The following DST variants were observed in gnomAD, a reference collection of about 807,000 sequenced individuals.
The protein encoded by DST is dystonin.
DST carries 253 observed loss-of-function variants against 875.2 expected under a neutral mutation model. That is an observed-to-expected ratio of 0.29 (90% CI 0.26 to 0.32). The LOEUF is 0.32. Among genes scored for constraint, DST ranks in the 10% least tolerant of loss-of-function variants. DST has a pLI of 1.00. For synonymous variants in DST, 3,124 were observed against 3,197.1 expected (o/e 0.98, Z 0.77); for missense variants, 8,287 against 9,111.6 (o/e 0.91, Z 3.68).
At chr6:56,470,600 A>G (rs1437541964) in intron 95 of DST, among the ~76,000 whole-genome samples, 3 of 152,154 alleles carry the variant, frequency 2.0e-5, no homozygotes, top group African/African-American at 7.2e-5. Context: ...AATGACATCT[A>G]GTAACATCTG....
At chr6:56,603,485 C>T in intron 41 of DST, 65 bp from the exon 42 acceptor site, 1 of 1,592,820 alleles carries the variant, frequency 6.3e-7, no homozygotes, top group Non-Finnish European at 8.5e-7. Flanking sequence ...AAACATGAAA[C>T]ATAGAAGTGT....
chr6:56,476,103 T>C, intron 92 of DST, 46 bp downstream of exon 92: 1 of 1,472,944 alleles, frequency 6.8e-7, no homozygotes, highest in Middle Eastern at 2.1e-4. Flanking sequence ...AGAAAGAAAA[T>C]ATCTGAGATA....
rs184815416 is a variant in DST at position 56,594,233 on chromosome 6, C to T, written c.12196-40G>A. ...ATTGATCATAATCTTCAAGCAGTAA[C>T]GGGGTAACACCTGCAGGGAGCTCCT... On this transcript the variant is annotated intron_variant, in intron 47 of 103. Transcript: ENST00000680361. The T allele has an allele frequency of 3.2e-5, 47 of 1,483,960 alleles. No individual in the cohort carries two copies. The African/African-American group carries it at 3.5e-4, about 11-fold the overall frequency. 91.9% of individuals were successfully genotyped at this position (1,483,960 alleles called of 1,614,324 possible).
At chr6:56,824,207 C>T (rs1243225099) in intron 4 of DST, among the ~76,000 whole-genome samples, 1 of 152,208 alleles carries the variant, frequency 6.6e-6, no homozygotes, top group South Asian at 2.1e-4. Flanking sequence ...GACAGGGTTT[C>T]GCTTTGTTGG....
chr6:56,910,774 C>T lies in DST; in HGVS notation c.217-10153G>A, dbSNP rs183112596. On this transcript the variant is annotated intron_variant, in intron 2 of 103. Coordinates refer to ENST00000680361, the MANE Select transcript of DST (RefSeq NM_001374736.1). ...TGCTGGGATTACAAGCATGAGCCCC[C>T]GTGCTCGGCCTGTACATTTATTTTA... is the stretch of plus-strand genomic sequence containing the variant. Among the ~76,000 whole-genome samples the T allele has an allele frequency of 3.5e-4, 54 of 152,264 alleles. No homozygotes were observed. The East Asian group carries it at 9.7e-3, about 27-fold the overall frequency.
intron 8 of DST, 98 bp downstream of exon 8, chr6:56,701,790 C>A: frequency 1.4e-6 from 1 of 726,912 alleles, no homozygotes; most frequent in South Asian, 1.9e-5. Flanking sequence ...GGTTACAATT[C>A]ACAGGCAAAT....
At chr6:56,578,751 T>C in intron 50 of DST, 63 bp downstream of exon 50, 2 of 1,562,312 alleles carry the variant, frequency 1.3e-6, no homozygotes, top group South Asian at 1.2e-5. Flanking sequence ...TCTCCATATC[T>C]ATTAGGACAC....
chr6:56,539,812 C>T (rs2097093162), intron 61 of DST, among the ~76,000 whole-genome samples: 2 of 152,138 alleles, frequency 1.3e-5, no homozygotes, highest in South Asian at 4.1e-4. Flanking sequence ...AGAAATTTTT[C>T]AACCTATTAA....
chr6:56,735,084 C>G (rs1251017253), intron 5 of DST, 144 bp downstream of exon 5: 1 of 659,908 alleles, frequency 1.5e-6, no homozygotes, highest in Admixed American at 2.7e-5. Context: ...ATTATAGATG[C>G]CTAAAATGCA....
chr6:56,464,446 G>A, intron 100 of DST: 1 of 536,338 alleles, frequency 1.9e-6, no homozygotes, highest in East Asian at 3.0e-5. Context: ...CACTCCACAA[G>A]AACCCGGTGA....
At chr6:56,687,106 A>G (rs1588571333) in intron 9 of DST, among the ~76,000 whole-genome samples, 2 of 152,232 alleles carry the variant, frequency 1.3e-5, no homozygotes, top group South Asian at 4.1e-4. Flanking sequence ...CTTGTGGGAC[A>G]CACAGTGGAT....
At chr6:56,548,365 G>A (rs147596937) in intron 61 of DST, among the ~76,000 whole-genome samples, 36 of 152,258 alleles carry the variant, frequency 2.4e-4, no homozygotes, top group Admixed American at 5.2e-4. Flanking sequence ...AAAGCATCAA[G>A]TCTCTTTGAT....
Position 56,605,846 on chromosome 6 carries a change from T to C in DST, c.8782A>G (p.Thr2928Ala). 3 of 1,612,486 alleles carry C rather than the reference T, an allele frequency of 1.9e-6. No individual in the cohort carries two copies. The highest frequency in any genetic ancestry group is 2.5e-6 in the Non-Finnish European group (3 of 1,179,208). ...GGGCCAAAAGTTTTTTCAGATTCAG[T>C]GTCTTTAATGATAGGCGGCAATACA... The part of the protein sequence containing the change: ...KDVLPPIIKD[T>A]ESEKTFGPAS... Residue 2928 changes from threonine to alanine, a missense_variant, in exon 40 of 104, where the codon ACT (threonine) becomes GCT (alanine). Physicochemically the swap from Thr to Ala is moderately conservative, Grantham distance 58. This residue lies in a region of DST where 3,138 missense variants were observed against 3,116.6 expected (regional missense o/e 1.01). Coordinates refer to ENST00000680361, the MANE Select transcript of DST (RefSeq NM_001374736.1).
intron 36 of DST, among the ~76,000 whole-genome samples, chr6:56,622,564 C>T (rs926257599): frequency 1.1e-5 from 1 of 92,950 alleles, no homozygotes; most frequent in African/African-American, 5.3e-5. Flanking sequence ...AACAGAGATC[C>T]GTCTCAAAAA....
intron 5 of DST, among the ~76,000 whole-genome samples, chr6:56,722,825 A>T (rs2099427997): frequency 6.6e-6 from 1 of 152,230 alleles, no homozygotes; most frequent in South Asian, 2.1e-4. Flanking sequence ...AAGGTAGAAG[A>T]TAATATAAAC....
intron 5 of DST, among the ~76,000 whole-genome samples, chr6:56,728,856 C>T (rs1589282110): frequency 6.6e-6 from 1 of 151,924 alleles, no homozygotes; most frequent in Non-Finnish European, 1.5e-5. Flanking sequence ...TATGAAGTTG[C>T]TAACTGTGTG....
At chr6:56,731,127 C>T (rs1158651593) in intron 5 of DST, among the ~76,000 whole-genome samples, 1 of 152,280 alleles carries the variant, frequency 6.6e-6, no homozygotes, top group Non-Finnish European at 1.5e-5. Flanking sequence ...AGTGGGAAAG[C>T]GAGATGGAGC....
At chr6:56,465,780 T>C (rs2094547228) in intron 99 of DST, among the ~76,000 whole-genome samples, 1 of 150,644 alleles carries the variant, frequency 6.6e-6, no homozygotes, top group Admixed American at 6.6e-5. Flanking sequence ...TTGGTTGGTA[T>C]AATTGTTTGG....
chr6:56,476,061 C>G, intron 92 of DST, 88 bp downstream of exon 92: 1 of 1,192,304 alleles, frequency 8.4e-7, no homozygotes, highest in East Asian at 2.6e-5. Flanking sequence ...ATAACGAGAA[C>G]AAAGCAATGT....
Sources: allele counts gnomAD v4.1 joint callset (sites outside exome capture counted in the v4.1 genomes callset), GRCh38; gene constraint gnomAD v4.1.1; regional missense constraint gnomAD v4.1.1; transcripts MANE v1.5; gene names NCBI Gene and HGNC (gene_info 2026-07-23, HGNC 2026-07-21).